The following SOX5 variants were observed in gnomAD, a reference collection of about 807,000 sequenced individuals.
SOX5 encodes SRY-box transcription factor 5.
SOX5 carries 9 observed loss-of-function variants against 92.0 expected under a neutral mutation model. That is an observed-to-expected ratio of 0.10 (90% CI 0.06 to 0.17). The LOEUF (loss-of-function observed/expected upper bound fraction) is 0.17. Ranked by LOEUF, SOX5 falls within the 10% of genes least tolerant of loss-of-function variation. The pLI is 1.00. For missense variants in SOX5, 642 were observed against 944.5 expected, an observed-to-expected ratio of 0.68 and a Z score of 4.20; for synonymous variants, 344 against 336.3, an observed-to-expected ratio of 1.02 and a Z score of -0.25.
At chr12:24,329,617 G>A (rs1380850033) in intron 2 of SOX5, among the ~76,000 whole-genome samples, 2 of 152,130 alleles carry the variant, frequency 1.3e-5, no homozygotes, top group African/African-American at 2.4e-5. Context: ...ACTGACAAAG[G>A]TTTAAAAGTA....
chr12:23,871,901 A>G (rs1023539072), intron 2 of SOX5, among the ~76,000 whole-genome samples: 4 of 152,030 alleles, frequency 2.6e-5, no homozygotes, highest in African/African-American at 7.2e-5. Context: ...CTCCCCAACT[A>G]TCTTTTCTTT....
chr12:24,172,713 T>G (rs543563214), intron 4 of SOX5, among the ~76,000 whole-genome samples: 4 of 152,200 alleles, frequency 2.6e-5, no homozygotes, highest in African/African-American at 9.6e-5. Context: ...ATGCAGAAAG[T>G]TACTGTCCCC....
At chr12:24,560,972 G>A (rs1035252682) in intron 1 of SOX5, among the ~76,000 whole-genome samples, 3 of 152,308 alleles carry the variant, frequency 2.0e-5, no homozygotes, top group Middle Eastern at 3.4e-3. Context: ...TCACTGTCCA[G>A]TCCCTTTGCA....
chr12:24,210,381 C>G (rs1958474867), intron 4 of SOX5, among the ~76,000 whole-genome samples: 1 of 152,188 alleles, frequency 6.6e-6, no homozygotes, highest in Non-Finnish European at 1.5e-5. Context: ...GAATTCATGC[C>G]TGCTAATTCA....
At chr12:24,178,164 C>T (rs1460205264) in intron 4 of SOX5, among the ~76,000 whole-genome samples, 1 of 151,024 alleles carries the variant, frequency 6.6e-6, no homozygotes, top group African/African-American at 2.4e-5. Context: ...TCCAAACACT[C>T]AGTGTCATCT....
At chr12:23,659,598 C>T (rs1243844941) in intron 7 of SOX5, among the ~76,000 whole-genome samples, 1 of 152,152 alleles carries the variant, frequency 6.6e-6, no homozygotes, top group Non-Finnish European at 1.5e-5. Context: ...AAAACAGTGA[C>T]TAACTACATT....
intron 4 of SOX5, among the ~76,000 whole-genome samples, chr12:24,161,022 A>G (rs1952701052): frequency 6.6e-6 from 1 of 152,086 alleles, no homozygotes; most frequent in Non-Finnish European, 1.5e-5. Flanking sequence ...GCAGCTGAGC[A>G]AAGTGAACAC....
chr12:24,077,505 TAAC>T (rs1942771187), intron 4 of SOX5, among the ~76,000 whole-genome samples: 1 of 152,016 alleles, frequency 6.6e-6, no homozygotes, highest in African/African-American at 2.4e-5. Flanking sequence ...AGCCAACAGT[TAAC>T]TGTTGGAGAG....
chr12:23,886,325 A>C (rs1211558226), intron 2 of SOX5, among the ~76,000 whole-genome samples: 1 of 152,158 alleles, frequency 6.6e-6, no homozygotes, highest in Admixed American at 6.5e-5. Context: ...ATCCAAATGA[A>C]GTGTTAATGG....
At chr12:23,607,119 T>C (rs2137604446) in intron 8 of SOX5, among the ~76,000 whole-genome samples, 1 of 152,292 alleles carries the variant, frequency 6.6e-6, no homozygotes, top group East Asian at 1.9e-4. Flanking sequence ...ATTACTCTTC[T>C]CCAACTGTGA....
At chr12:24,428,774 C>G (rs1967063072) in intron 1 of SOX5, among the ~76,000 whole-genome samples, 1 of 109,696 alleles carries the variant, frequency 9.1e-6, no homozygotes, top group African/African-American at 3.2e-5. Context: ...ATTTCCTCAT[C>G]ATGTTATAGG....
At chr12:24,145,378 A>G (rs2088585) in intron 4 of SOX5, among the ~76,000 whole-genome samples, 14,630 of 152,288 alleles carry the variant, frequency 0.096, 776 homozygotes, top group Non-Finnish European at 0.12. Context: ...AAATTACCCA[A>G]TTAATAAACA....
chr12:23,554,342 A>C (rs1483644605), intron 11 of SOX5, among the ~76,000 whole-genome samples: 1 of 152,226 alleles, frequency 6.6e-6, no homozygotes, highest in East Asian at 1.9e-4. Flanking sequence ...TGATTGCTTA[A>C]ACAAAATTTT....
chr12:24,065,270 GA>G (rs1167187395), intron 4 of SOX5, among the ~76,000 whole-genome samples: 1 of 152,100 alleles, frequency 6.6e-6, no homozygotes, highest in Non-Finnish European at 1.5e-5. Context: ...AAAGATGAGG[GA>G]AAATTGCAGG....
intron 1 of SOX5, among the ~76,000 whole-genome samples, chr12:24,431,053 T>C (rs930972652): frequency 1.3e-5 from 2 of 152,184 alleles, no homozygotes; most frequent in Non-Finnish European, 2.9e-5. Context: ...TGAGCAAATA[T>C]AAAGCAGAAG....
At chr12:23,663,568 A>G (rs990353447) in intron 7 of SOX5, among the ~76,000 whole-genome samples, 1 of 152,202 alleles carries the variant, frequency 6.6e-6, no homozygotes, top group Non-Finnish European at 1.5e-5. Context: ...TATTGAAAAT[A>G]TAACTAGTCT....
At chr12:24,311,059 TA>T (rs1053715228) in intron 2 of SOX5, among the ~76,000 whole-genome samples, 3 of 152,100 alleles carry the variant, frequency 2.0e-5, no homozygotes, top group Non-Finnish European at 4.4e-5. Context: ...AGCATGGTCA[TA>T]AAAAAATTCC....
intron 2 of SOX5, among the ~76,000 whole-genome samples, chr12:23,893,000 A>T (rs1021478015): frequency 6.6e-6 from 1 of 152,168 alleles, no homozygotes; most frequent in Non-Finnish European, 1.5e-5. Context: ...ACCTGTCTCT[A>T]AAAAAATTAA....
At chr12:23,960,949 T>C (rs1946863844) in intron 4 of SOX5, among the ~76,000 whole-genome samples, 1 of 152,108 alleles carries the variant, frequency 6.6e-6, no homozygotes. Flanking sequence ...ATATATTTTG[T>C]ATTTTTTCTT....
Sources: gnomAD v4.1 joint callset for allele counts (sites outside exome capture counted in the v4.1 genomes callset) on GRCh38, gnomAD v4.1.1 for gene constraint, MANE v1.5 for transcripts, NCBI Gene and HGNC (gene_info 2026-07-23, HGNC 2026-07-21) for gene names.